The following APH1B variants were observed in gnomAD, a reference collection of about 807,000 sequenced individuals.
APH1B encodes aph-1B gamma-secretase subunit, also known as gamma-secretase subunit APH-1B.
In APH1B, 27 loss-of-function variants were observed where a neutral mutation model predicts 28.2. That is an observed-to-expected ratio of 0.96 (90% CI 0.70 to 1.32). APH1B has a LOEUF of 1.32. Ranked by LOEUF, APH1B falls within the 40% of genes most tolerant of loss-of-function variation. The pLI, the probability that APH1B is intolerant of heterozygous loss-of-function variation, is 0.00. For missense variants in APH1B, 305 were observed against 313.6 expected, an observed-to-expected ratio of 0.97 and a Z score of 0.21; for synonymous variants, 141 against 124.6, an observed-to-expected ratio of 1.13 and a Z score of -0.88.
chr15:63,278,083 T>TAATC (rs2038344748), intron 1 of APH1B, among the ~76,000 whole-genome samples: 2 of 152,336 alleles, frequency 1.3e-5, no homozygotes, highest in South Asian at 2.1e-4. Context: ...AAGGCATGTG[T>TAATC]AATCCCCAAA....
At chr15:63,305,423 G>A (rs376502790) in intron 5 of APH1B, among the ~76,000 whole-genome samples, 191 bp from the exon 6 acceptor site, 6 of 152,122 alleles carry the variant, frequency 3.9e-5, no homozygotes, top group Non-Finnish European at 7.4e-5. Flanking sequence ...AGCAAAACAC[G>A]GGACCCACAG....
rs747383375 is a variant in APH1B, at chr15:63,305,841, G to T, written c.*60G>T. On this transcript the variant is annotated 3_prime_UTR_variant, in exon 6 of 6. Coordinates refer to ENST00000261879, the MANE Select transcript of APH1B (RefSeq NM_031301.4). ...ACATCTTTAGAGGAAGCACAACTGT[G>T]CCTTTTTCTGAAAATCCCTTTTTCT... 11 of 1,547,322 alleles carry T rather than the reference G, an allele frequency of 7.1e-6. No homozygotes were observed. The highest frequency in any genetic ancestry group is 1.7e-6 in the Non-Finnish European group (2 of 1,149,562).
Position 63,307,652 on chromosome 15 carries a change from A to AAAAT in APH1B, c.*1873_*1876dup, listed in dbSNP as rs1187916846. The AAAAT allele has an allele frequency of 2.6e-5, 4 of 152,244 alleles. No homozygotes were observed. The East Asian group carries it at 7.7e-4, about 29-fold the overall frequency. 9.4% of individuals were successfully genotyped at this position (152,244 alleles called of 1,614,324 possible). A position where few individuals can be genotyped will look rare whatever the true frequency, so the allele number is the denominator to read the frequency against. On this transcript the variant is annotated 3_prime_UTR_variant, in exon 6 of 6. Coordinates refer to ENST00000261879, the MANE Select transcript of APH1B (RefSeq NM_031301.4). The stretch of plus-strand genomic sequence containing the variant: ...AAAACATGGTCTTCTTTGAATAAGA[A>AAAAT]AAATACATAGTTGGTTATTATGGAC...
At chr15:63,303,169 A>G (rs534591727) in intron 5 of APH1B, among the ~76,000 whole-genome samples, 1 of 152,292 alleles carries the variant, frequency 6.6e-6, no homozygotes, top group East Asian at 1.9e-4. Flanking sequence ...GTACATCTTG[A>G]TGAATTTTCA....
chr15:63,283,468 G>A (rs1457848722), intron 2 of APH1B, among the ~76,000 whole-genome samples: 1 of 151,996 alleles, frequency 6.6e-6, no homozygotes, highest in Non-Finnish European at 1.5e-5. Flanking sequence ...GAGCTCAAGC[G>A]ACCCGCCCAC....
intron 4 of APH1B, among the ~76,000 whole-genome samples, chr15:63,287,955 A>G (rs1022126800): frequency 2.0e-5 from 3 of 152,216 alleles, no homozygotes; most frequent in Admixed American, 6.5e-5. Context: ...GAAAAATGGG[A>G]TAATAGATGA....
chr15:63,301,003 G>C (rs1711955318), intron 4 of APH1B, among the ~76,000 whole-genome samples: 2 of 152,204 alleles, frequency 1.3e-5, no homozygotes, highest in African/African-American at 4.8e-5. Flanking sequence ...GTGCAGATGT[G>C]TACGTTTCTC....
chr15:63,286,928 A>G (rs1239825732), intron 3 of APH1B, among the ~76,000 whole-genome samples: 1 of 152,180 alleles, frequency 6.6e-6, no homozygotes. Context: ...CTTTCTCTGA[A>G]TCTTACTTTG....
chr15:63,287,132 T>G, intron 3 of APH1B: 1 of 294,110 alleles, frequency 3.4e-6, no homozygotes, highest in East Asian at 6.8e-5. Flanking sequence ...AAGCCGGAGT[T>G]TTGGTGTTGT....
chr15:63,305,495 G>A (rs1329107582), intron 5 of APH1B, 119 bp from the exon 6 acceptor site: 17 of 1,171,114 alleles, frequency 1.5e-5, no homozygotes, highest in Admixed American at 8.3e-5. Context: ...CACATCATAC[G>A]TTTGGTGAAA....
chr15:63,305,192 C>A (rs2038673646), intron 5 of APH1B, among the ~76,000 whole-genome samples: 1 of 152,226 alleles, frequency 6.6e-6, no homozygotes, highest in South Asian at 2.1e-4. Flanking sequence ...ACTTTTGGAA[C>A]CCACAGCAAT....
intron 4 of APH1B, among the ~76,000 whole-genome samples, 163 bp from the exon 5 acceptor site, chr15:63,302,182 C>A (rs529527043): frequency 1.1e-4 from 16 of 152,124 alleles, no homozygotes; most frequent in Non-Finnish European, 1.9e-4. Flanking sequence ...TCCCCTGTTC[C>A]GCAGTGTTGC....
At chr15:63,287,040 C>G (rs976994930) in intron 3 of APH1B, 2 of 222,618 alleles carry the variant, frequency 9.0e-6, no homozygotes, top group African/African-American at 4.6e-5. Flanking sequence ...CACTTGGGCT[C>G]AGGAATACAC....
At chr15:63,301,054 C>T (rs1460949356) in intron 4 of APH1B, among the ~76,000 whole-genome samples, 1 of 152,236 alleles carries the variant, frequency 6.6e-6, no homozygotes, top group Non-Finnish European at 1.5e-5. Flanking sequence ...CTCAGAATCA[C>T]CTGGAGGGCT....
At chr15:63,298,676 A>C (rs1346789254) in intron 4 of APH1B, among the ~76,000 whole-genome samples, 1 of 152,174 alleles carries the variant, frequency 6.6e-6, no homozygotes, top group Non-Finnish European at 1.5e-5. Context: ...CCACATATTA[A>C]AAAGATATGG....
Position 63,281,235 on chromosome 15 carries a change from C to G in APH1B, c.284+1904C>G, listed in dbSNP as rs571276763. 5.9e-5 allele frequency among the ~76,000 whole-genome samples: 9 copies of G among 152,266 alleles called. No individual in the cohort carries two copies. In the East Asian group the frequency reaches 1.5e-3, roughly 26 times the overall value. ...CTCTGCTGCATGGTTATAATTATCT[C>G]CCTTTCAAGAATGAACAGTCCTCAT... On this transcript the variant is annotated intron_variant, in intron 2 of 5. Transcript: ENST00000261879.
intron 5 of APH1B, among the ~76,000 whole-genome samples, chr15:63,303,221 C>G (rs1940354376): frequency 6.6e-6 from 1 of 152,170 alleles, no homozygotes; most frequent in Non-Finnish European, 1.5e-5. Context: ...AGATGAAAAT[C>G]AAAACATTCT....
At chr15:63,297,885 AG>A (rs1281614763) in intron 4 of APH1B, among the ~76,000 whole-genome samples, 1 of 152,192 alleles carries the variant, frequency 6.6e-6, no homozygotes, top group African/African-American at 2.4e-5. Context: ...TGACCATCAA[AG>A]CCACCCGGAA....
In APH1B at chr15:63,306,774, C is replaced by T. The variant is rs184887292; in HGVS notation, c.*993C>T. On this transcript the variant is annotated 3_prime_UTR_variant, in exon 6 of 6. Coordinates refer to ENST00000261879, the MANE Select transcript of APH1B (RefSeq NM_031301.4). Reference sequence around the variant, plus strand: ...ATGAGCCAAAAGGGTGTCATTGACACTTTTCATTTGCTCCTGTGATACTAA... The same window carrying T: ...ATGAGCCAAAAGGGTGTCATTGACATTTTTCATTTGCTCCTGTGATACTAA... The T allele has an allele frequency of 3.9e-5, 6 of 152,346 alleles. No homozygotes were observed. The highest frequency in any genetic ancestry group is 1.4e-4 in the African/African-American group (6 of 41,580). 9.4% of individuals were successfully genotyped at this position (152,346 alleles called of 1,614,324 possible). A position where few individuals can be genotyped will look rare whatever the true frequency, so the allele number is the denominator to read the frequency against.
Sources: gnomAD v4.1 joint callset for allele counts (sites outside exome capture counted in the v4.1 genomes callset) on GRCh38, gnomAD v4.1.1 for gene constraint, MANE v1.5 for transcripts, NCBI Gene and HGNC (gene_info 2026-07-23, HGNC 2026-07-21) for gene names.